Variants in UVRAG observed in about 807,000 individuals in gnomAD.
UVRAG encodes UV radiation resistance-associated gene protein.
Under a neutral mutation model 78.0 loss-of-function variants are expected in UVRAG, and 19 were observed. That is an observed-to-expected ratio of 0.24 (90% CI 0.17 to 0.36). The LOEUF (loss-of-function observed/expected upper bound fraction) is 0.36, where lower values mean the gene tolerates loss of function less well. UVRAG is among the 10% of genes least tolerant of loss of function. The probability of loss-of-function intolerance (pLI) is 1.00; values close to 1 mark genes in which losing one functional copy is unlikely to be tolerated. For missense variants in UVRAG, 740 were observed against 853.8 expected (o/e 0.87, Z 1.66); for synonymous variants, 323 against 324.6 (o/e 1.00, Z 0.05).
intron 1 of UVRAG, among the ~76,000 whole-genome samples, chr11:75,838,095 AC>A (rs1439061553): frequency 6.6e-6 from 1 of 152,120 alleles, no homozygotes; most frequent in Non-Finnish European, 1.5e-5. Flanking sequence ...TTAAAAAAAA[AC>A]CCTACAAACT....
intron 7 of UVRAG, among the ~76,000 whole-genome samples, chr11:75,968,072 T>C (rs151143565): frequency 6.6e-6 from 1 of 152,212 alleles, no homozygotes; most frequent in African/African-American, 2.4e-5. Flanking sequence ...AATGAGCATT[T>C]TCCTTGAGCA....
intron 13 of UVRAG, among the ~76,000 whole-genome samples, chr11:76,110,927 C>T (rs145177710): frequency 2.6e-4 from 39 of 152,114 alleles, no homozygotes; most frequent in African/African-American, 6.7e-4. Flanking sequence ...GGCACAATCT[C>T]GGCTGACTGC....
intron 5 of UVRAG, among the ~76,000 whole-genome samples, chr11:75,906,163 A>C (rs1043242983): frequency 1.3e-4 from 20 of 152,060 alleles, no homozygotes; most frequent in African/African-American, 4.8e-4. Context: ...TTTCTACTTA[A>C]TTGATAGTGT....
At chr11:76,107,692 T>C (rs1449543624) in intron 13 of UVRAG, among the ~76,000 whole-genome samples, 1 of 152,216 alleles carries the variant, frequency 6.6e-6, no homozygotes, top group African/African-American at 2.4e-5. Flanking sequence ...TAAGAAACAA[T>C]ATTATTGCTC....
intron 12 of UVRAG, among the ~76,000 whole-genome samples, chr11:76,030,720 A>T (rs1950420583): frequency 6.6e-6 from 1 of 152,174 alleles, no homozygotes; most frequent in African/African-American, 2.4e-5. Flanking sequence ...CATCTCTAGC[A>T]TCAAAACTGT....
chr11:76,078,767 A>AG (rs1457494971), intron 13 of UVRAG, among the ~76,000 whole-genome samples: 6 of 149,448 alleles, frequency 4.0e-5, no homozygotes, highest in Non-Finnish European at 8.9e-5. Flanking sequence ...AAAAAAAAAA[A>AG]AAAAAAAAAA....
intron 6 of UVRAG, among the ~76,000 whole-genome samples, chr11:75,923,005 T>TTC (rs1948012646): frequency 7.4e-6 from 1 of 135,550 alleles, no homozygotes; most frequent in South Asian, 2.1e-4. Flanking sequence ...TATTTTTTCA[T>TTC]ATATATATAT....
chr11:76,085,872 C>T (rs148990750), intron 13 of UVRAG, among the ~76,000 whole-genome samples: 1 of 152,234 alleles, frequency 6.6e-6, no homozygotes, highest in African/African-American at 2.4e-5. Context: ...TTTTTCACAA[C>T]TCATCTATCA....
chr11:76,130,350 T>G (rs1952492185), intron 14 of UVRAG, among the ~76,000 whole-genome samples: 1 of 152,192 alleles, frequency 6.6e-6, no homozygotes, highest in Non-Finnish European at 1.5e-5. Context: ...GACAATAAAT[T>G]CCATTAAAAC....
chr11:75,866,827 C>T (rs1946549863), intron 3 of UVRAG, among the ~76,000 whole-genome samples: 1 of 152,138 alleles, frequency 6.6e-6, no homozygotes, highest in Non-Finnish European at 1.5e-5. Context: ...GGCTGTAAGA[C>T]TCACTGTTAT....
At chr11:75,923,672 ATCT>A (rs756019681) in intron 6 of UVRAG, among the ~76,000 whole-genome samples, 2 of 152,098 alleles carry the variant, frequency 1.3e-5, no homozygotes, top group African/African-American at 4.8e-5. Flanking sequence ...ATAAGGGTAA[ATCT>A]TCTTTCAATC....
intron 12 of UVRAG, among the ~76,000 whole-genome samples, chr11:76,027,688 AT>A (rs1182986530): frequency 3.3e-5 from 5 of 152,132 alleles, no homozygotes; most frequent in African/African-American, 1.2e-4. Context: ...AACTACTGTT[AT>A]GTATACGTTG....
intron 8 of UVRAG, among the ~76,000 whole-genome samples, chr11:76,003,257 A>ATTTTTTTTTTTTTTTTTTTTTT (rs398045280): frequency 3.7e-5 from 2 of 53,734 alleles, no homozygotes; most frequent in African/African-American, 1.6e-4. Context: ...GAAAATACTG[A>ATTTTTTTTTTTTTTTTTTTTTT]TTTTTTTTTT....
intron 5 of UVRAG, among the ~76,000 whole-genome samples, chr11:75,900,531 C>G (rs1947470309): frequency 6.6e-6 from 1 of 152,212 alleles, no homozygotes; most frequent in African/African-American, 2.4e-5. Context: ...ATGCCTTACT[C>G]AGCTTTAAAG....
intron 7 of UVRAG, among the ~76,000 whole-genome samples, chr11:75,969,890 C>G (rs1304425861): frequency 6.6e-6 from 1 of 152,180 alleles, no homozygotes; most frequent in Non-Finnish European, 1.5e-5. Context: ...AAGATACTAA[C>G]CTTTTCCTTT....
rs151060479 is a variant in UVRAG, at chr11:75,938,427, T to C, written c.594-23017T>C. Among the ~76,000 whole-genome samples the C allele has an allele frequency of 1.6e-4, 24 of 152,382 alleles. No individual in the cohort carries two copies. In the East Asian group the frequency reaches 4.4e-3, roughly 28 times the overall value. ...ATTTTTAATTGGATGTCAGGCATTG[T>C]CAATTTTACCTTATTGTTTGTTGGA... On this transcript the variant is annotated intron_variant, in intron 6 of 14. Transcript: ENST00000356136.
intron 14 of UVRAG, among the ~76,000 whole-genome samples, chr11:76,135,798 T>C (rs1952588929): frequency 6.6e-6 from 1 of 152,208 alleles, no homozygotes; most frequent in Admixed American, 6.5e-5. Flanking sequence ...CCCGCAATTC[T>C]AGTGCCTCCG....
intron 14 of UVRAG, among the ~76,000 whole-genome samples, chr11:76,123,437 G>A (rs2134482067): frequency 1.3e-5 from 2 of 152,320 alleles, no homozygotes; most frequent in South Asian, 4.1e-4. Flanking sequence ...AAGCACGTGG[G>A]TCGGGTGAGT....
At chr11:75,981,324 C>T (rs186002131) in intron 7 of UVRAG, among the ~76,000 whole-genome samples, 1 of 152,218 alleles carries the variant, frequency 6.6e-6, no homozygotes, top group Admixed American at 6.5e-5. Context: ...GTTGGCCAGG[C>T]TGGTCTCAAA....
Sources: gnomAD v4.1 joint callset for allele counts (sites outside exome capture counted in the v4.1 genomes callset) on GRCh38, gnomAD v4.1.1 for gene constraint, MANE v1.5 for transcripts, NCBI Gene and HGNC (gene_info 2026-07-23, HGNC 2026-07-21) for gene names.